The following SPIRE1 variants were observed in gnomAD, a reference collection of about 807,000 sequenced individuals.
SPIRE1 encodes spire type actin nucleation factor 1.
A neutral mutation model predicts 94.1 loss-of-function variants in SPIRE1; 40 were observed. The ratio of observed to expected loss-of-function variants is 0.43; its 90% CI spans 0.33 to 0.55. The LOEUF is 0.55. Among genes scored for constraint, SPIRE1 ranks in the 20% least tolerant of loss-of-function variants. The pLI is 0.06. For missense variants in SPIRE1, 838 were observed against 975.2 expected, an observed-to-expected ratio of 0.86 and a Z score of 1.87; for synonymous variants, 376 against 371.7, an observed-to-expected ratio of 1.01 and a Z score of -0.13.
chr18:12,627,510 C>T (rs570196111), intron 2 of SPIRE1, among the ~76,000 whole-genome samples: 39 of 152,284 alleles, frequency 2.6e-4, no homozygotes, highest in African/African-American at 9.1e-4. Flanking sequence ...AATAGTGCCA[C>T]AGTAAACATA....
At chr18:12,480,065 A>C (rs2032783267) in intron 9 of SPIRE1, among the ~76,000 whole-genome samples, 194 bp from the exon 10 acceptor site, 1 of 152,230 alleles carries the variant, frequency 6.6e-6, no homozygotes, top group African/African-American at 2.4e-5. Flanking sequence ...AAAATGAATA[A>C]TTACATATTC....
At chr18:12,527,545 T>C (rs1313781382) in intron 4 of SPIRE1, among the ~76,000 whole-genome samples, 1 of 152,156 alleles carries the variant, frequency 6.6e-6, no homozygotes, top group Admixed American at 6.5e-5. Flanking sequence ...ACATAAATTA[T>C]ATTAGAAATA....
intron 2 of SPIRE1, among the ~76,000 whole-genome samples, chr18:12,603,495 T>C (rs765112435): frequency 1.3e-5 from 2 of 151,718 alleles, no homozygotes; most frequent in African/African-American, 2.4e-5. Flanking sequence ...GATGAAGGCA[T>C]GATTAGAGGA....
chr18:12,594,776 T>C (rs1295306598), intron 2 of SPIRE1, among the ~76,000 whole-genome samples: 1 of 152,130 alleles, frequency 6.6e-6, no homozygotes, highest in Non-Finnish European at 1.5e-5. Flanking sequence ...TACTCTTGAG[T>C]GTTTTGCCTG....
chr18:12,652,503 C>T (rs747078794), intron 1 of SPIRE1, among the ~76,000 whole-genome samples: 3 of 152,168 alleles, frequency 2.0e-5, no homozygotes, highest in African/African-American at 7.2e-5. Flanking sequence ...ACTTCTTAAC[C>T]ATACTGCTCA....
chr18:12,458,166 G>C (rs1460415808), intron 12 of SPIRE1, among the ~76,000 whole-genome samples: 1 of 151,730 alleles, frequency 6.6e-6, no homozygotes, highest in Non-Finnish European at 1.5e-5. Flanking sequence ...CTTTTATACA[G>C]TGTTCATGAT....
intron 2 of SPIRE1, among the ~76,000 whole-genome samples, chr18:12,626,048 C>G (rs1319881695): frequency 6.9e-6 from 1 of 144,524 alleles, no homozygotes; most frequent in African/African-American, 2.5e-5. Flanking sequence ...CCCCGCCCCC[C>G]CCCAAAAAAA....
At chr18:12,653,584 C>A (rs2038440191) in intron 1 of SPIRE1, 1 of 152,190 alleles carries the variant, frequency 6.6e-6, no homozygotes, top group Admixed American at 6.5e-5. Flanking sequence ...ACTACTAAGC[C>A]TAGACACTAA....
At chr18:12,543,970 G>A (rs899531689) in intron 3 of SPIRE1, among the ~76,000 whole-genome samples, 6 of 152,058 alleles carry the variant, frequency 3.9e-5, no homozygotes, top group Non-Finnish European at 5.9e-5. Flanking sequence ...TAAAATTTCC[G>A]TTTACTTGTA....
Position 12,652,810 on chromosome 18 carries a change from CT to C in SPIRE1, c.337+4719del, listed in dbSNP as rs1263199667. Reference sequence around the variant, plus strand: ...CTAACCATTCTCAGATGTATCAATACTGTTAAAAGTAAACAAGAATTAAAAT... The same window carrying C: ...CTAACCATTCTCAGATGTATCAATACGTTAAAAGTAAACAAGAATTAAAAT... On this transcript the variant is annotated intron_variant, in intron 1 of 16. Transcript: ENST00000409402. Among the ~76,000 whole-genome samples, 6 of 152,328 alleles carry C rather than the reference CT, an allele frequency of 3.9e-5. 1 individual carries two copies. Among genetic ancestry groups the C allele is most frequent in the Non-Finnish European group, 1.5e-5 (1 of 68,020 alleles).
chr18:12,520,498 A>T (rs2034328489), intron 4 of SPIRE1, among the ~76,000 whole-genome samples: 1 of 152,216 alleles, frequency 6.6e-6, no homozygotes, highest in Non-Finnish European at 1.5e-5. Context: ...AGGAGGTCAG[A>T]GAGAGATTTA....
In SPIRE1 at chr18:12,657,347, G is replaced by A. The variant is rs986337907; in HGVS notation, c.337+183C>T. ...GCCACGAGGCTCTGACCTCCGAGGGGCCCCGGCCAGCCACGGCCTGACGCC... is the reference window on the plus strand; with the variant it reads ...GCCACGAGGCTCTGACCTCCGAGGGACCCCGGCCAGCCACGGCCTGACGCC... On this transcript the variant is annotated intron_variant, in intron 1 of 16. Transcript: ENST00000409402. 5.5e-4 allele frequency among the ~76,000 whole-genome samples: 83 copies of A among 152,226 alleles called. 1 individual carries two copies. Among genetic ancestry groups the A allele is most frequent in the African/African-American group, 1.9e-3 (77 of 41,590 alleles).
At chr18:12,647,065 T>C (rs558474695) in intron 1 of SPIRE1, among the ~76,000 whole-genome samples, 61 of 151,248 alleles carry the variant, frequency 4.0e-4, no homozygotes, top group African/African-American at 1.5e-3. Flanking sequence ...AAAAAAGCAT[T>C]AGCACAATTA....
At chr18:12,643,249 T>G (rs1396830598) in intron 1 of SPIRE1, among the ~76,000 whole-genome samples, 1 of 152,188 alleles carries the variant, frequency 6.6e-6, no homozygotes, top group African/African-American at 2.4e-5. Context: ...TTGATTTGGA[T>G]TAAACTTTTC....
chr18:12,577,437 G>A (rs1002537581), intron 2 of SPIRE1, among the ~76,000 whole-genome samples: 11 of 151,994 alleles, frequency 7.2e-5, no homozygotes, highest in South Asian at 2.1e-4. Flanking sequence ...ATGAGCCACC[G>A]TGCCTGGCCA....
At chr18:12,584,184 C>T (rs1177243434) in intron 2 of SPIRE1, among the ~76,000 whole-genome samples, 1 of 152,066 alleles carries the variant, frequency 6.6e-6, no homozygotes, top group African/African-American at 2.4e-5. Context: ...AATCCCAGCA[C>T]TTTGGGAGGC....
At chr18:12,586,531 G>A (rs1350796006) in intron 2 of SPIRE1, among the ~76,000 whole-genome samples, 1 of 152,120 alleles carries the variant, frequency 6.6e-6, no homozygotes, top group Non-Finnish European at 1.5e-5. Context: ...AAACTAATGA[G>A]ACAATTCTCT....
intron 2 of SPIRE1, among the ~76,000 whole-genome samples, chr18:12,565,439 A>G (rs2035793317): frequency 6.6e-6 from 1 of 152,078 alleles, no homozygotes. Flanking sequence ...CAGTGGTGCA[A>G]TCACAGCTCA....
intron 2 of SPIRE1, among the ~76,000 whole-genome samples, chr18:12,602,994 T>TAGGG (rs1424730727): frequency 6.6e-6 from 1 of 152,220 alleles, no homozygotes; most frequent in East Asian, 1.9e-4. Context: ...TACATCCTGA[T>TAGGG]AAGCTCATTG....
Sources: allele counts gnomAD v4.1 joint callset (sites outside exome capture counted in the v4.1 genomes callset), GRCh38; gene constraint gnomAD v4.1.1; transcripts MANE v1.5; gene names NCBI Gene and HGNC (gene_info 2026-07-23, HGNC 2026-07-21).